BTBD2: variants seen among roughly 807,000 people sequenced by gnomAD.
The protein encoded by BTBD2 is BTB domain containing 2.
In BTBD2, 15 loss-of-function variants were observed where a neutral mutation model predicts 44.0. That is an observed-to-expected ratio of 0.34 (90% CI 0.23 to 0.53). The LOEUF is 0.53. BTBD2 is among the 20% of genes least tolerant of loss of function. BTBD2 has a pLI of 0.95. For missense variants in BTBD2, 657 were observed against 746.4 expected (o/e 0.88, Z 1.39); for synonymous variants, 443 against 335.9 (o/e 1.32, Z -3.49).
chr19:2,012,371 C>T lies in BTBD2; in HGVS notation c.407+2926G>A, dbSNP rs377431644. Among the ~76,000 whole-genome samples, 81 of 151,476 alleles carry T rather than the reference C, an allele frequency of 5.3e-4. 1 individual carries two copies. The highest frequency in any genetic ancestry group is 1.8e-3 in the African/African-American group (73 of 40,994). ...TTCACCGTGTTGACCAGGCTGGTCT[C>T]GATCTCCCGACCTCGTGATCTGCCC... On this transcript the variant is annotated intron_variant, in intron 1 of 8. Transcript: ENST00000255608.
chr19:1,989,928 A>G (rs2016148907), intron 5 of BTBD2, 76 bp downstream of exon 5: 1 of 1,529,438 alleles, frequency 6.5e-7, no homozygotes, highest in East Asian at 2.3e-5. Flanking sequence ...ACTCGGGGGC[A>G]CTATCCTCGG....
chr19:1,991,832 AG>A (rs1163247050), intron 3 of BTBD2: 1 of 151,962 alleles, frequency 6.6e-6, no homozygotes, highest in East Asian at 1.9e-4. Context: ...GGCTGCACAG[AG>A]CCCAACTGGG....
intron 5 of BTBD2, chr19:1,988,004 C>G: frequency 3.0e-6 from 1 of 331,232 alleles, no homozygotes; most frequent in Non-Finnish European, 5.6e-6. Flanking sequence ...CCACCCGTCA[C>G]TTCACTGTGG....
intron 1 of BTBD2, among the ~76,000 whole-genome samples, chr19:2,013,058 C>T (rs1460249540): frequency 2.0e-5 from 3 of 152,174 alleles, no homozygotes; most frequent in Non-Finnish European, 4.4e-5. Flanking sequence ...GCGACACGGA[C>T]GGCACAAGCC....
rs1037337008 is a variant in BTBD2, at chr19:1,997,567, C to A, written c.408-104G>T. ...GTGACCACCCCACTAGGGCTCCCTG[C>A]CAGCCTCCAGCAGGCATGTACCAGG... On this transcript the variant is annotated intron_variant, in intron 1 of 8. Transcript: ENST00000255608. The A allele has an allele frequency of 9.9e-6, 15 of 1,511,552 alleles. No individual in the cohort carries two copies. The African/African-American group carries it at 1.7e-4, about 17-fold the overall frequency. 93.6% of individuals were successfully genotyped at this position (1,511,552 alleles called of 1,614,324 possible).
At chr19:2,015,235 G>T (rs1599364590) in intron 1 of BTBD2, 62 bp downstream of exon 1, 2 of 1,479,432 alleles carry the variant, frequency 1.4e-6, no homozygotes, top group African/African-American at 2.9e-5. Context: ...GGCCTCAGGT[G>T]CAGGGCCCGG....
chr19:1,993,280 T>TG (rs1418528567), intron 2 of BTBD2, 104 bp from the exon 3 acceptor site: 1 of 1,436,624 alleles, frequency 7.0e-7, no homozygotes, highest in African/African-American at 1.4e-5. Context: ...CACCGGCCCT[T>TG]GAGCTGGCAG....
Position 2,015,305 on chromosome 19 carries a change from G to T in BTBD2, c.399C>A (p.Pro133=). The T allele has an allele frequency of 1.3e-6, 2 of 1,560,944 alleles. No individual in the cohort carries two copies. The highest frequency in any genetic ancestry group is 1.8e-5 in the Admixed American group (1 of 55,466). The change falls in exon 1 of 9, where the codon CCC becomes CCA. Residue 133 remains proline (P), a synonymous_variant. Coordinates refer to ENST00000255608, the MANE Select transcript of BTBD2 (RefSeq NM_017797.4). ...VGKGLSSQRI[P]AHRFVLAVGS... ...GGGGTCGGGGCGCCCACCTGTGCGC[G>T]GGGATGCGCTGCGAGCTGAGCCCCT...
At chr19:1,999,667 A>G (rs2016300035) in intron 1 of BTBD2, among the ~76,000 whole-genome samples, 1 of 147,608 alleles carries the variant, frequency 6.8e-6, no homozygotes, top group African/African-American at 2.5e-5. Flanking sequence ...CTCTGTCTCA[A>G]AAAAAAAAAA....
chr19:2,007,646 T>C (rs1466948698), intron 1 of BTBD2, among the ~76,000 whole-genome samples: 2 of 152,106 alleles, frequency 1.3e-5, no homozygotes, highest in African/African-American at 4.8e-5. Context: ...CCGGCCAAAA[T>C]GGCGAAACCC....
Position 1,987,495 on chromosome 19 carries a change from C to T in BTBD2, c.1181+5G>A, listed in dbSNP as rs2016107257. The T allele has an allele frequency of 1.9e-6, 3 of 1,561,926 alleles. No homozygotes were observed. The highest frequency in any genetic ancestry group is 2.6e-6 in the Non-Finnish European group (3 of 1,155,810). Reference sequence around the variant, plus strand: ...GGACCCCCCCGCCTGCACCCCAAGCCCCACCTGATGCGGTCACTGGTCCCG... The same window carrying T: ...GGACCCCCCCGCCTGCACCCCAAGCTCCACCTGATGCGGTCACTGGTCCCG... On this transcript the variant is annotated splice_donor_5th_base_variant and intron_variant, in intron 6 of 8. Transcript: ENST00000255608.
At chr19:1,997,895 CTCAT>C (rs1241072678) in intron 1 of BTBD2, among the ~76,000 whole-genome samples, 4 of 152,124 alleles carry the variant, frequency 2.6e-5, no homozygotes, top group South Asian at 2.1e-4. Context: ...CGTTCATTCA[CTCAT>C]TCATTCACAT....
In BTBD2 at chr19:1,986,503, G is replaced by C; in HGVS notation, c.1563C>G (p.Val521=). Reference sequence around the variant, plus strand: ...GTCGGGCAGCCTAGGTGTAGAAGATGACCTCGGGGATCTGGCCGTCCTCCA... The same window carrying C: ...GTCGGGCAGCCTAGGTGTAGAAGATCACCTCGGGGATCTGGCCGTCCTCCA... The part of the protein sequence containing the change: ...TSVEDGQIPE[V]IFYT Residue 521 remains valine (V), a synonymous_variant, in exon 9 of 9, where the codon GTC becomes GTG. Transcript: ENST00000255608. 6.2e-7 allele frequency: 1 copy of C among 1,613,874 alleles called. No homozygotes were observed. Among genetic ancestry groups the C allele is most frequent in the Non-Finnish European group, 8.5e-7 (1 of 1,179,898 alleles).
chr19:2,007,842 C>T (rs2009336), intron 1 of BTBD2, among the ~76,000 whole-genome samples: 83,176 of 151,678 alleles, frequency 0.55, 25,074 homozygotes, highest in African/African-American at 0.81. Flanking sequence ...AATAATAAAA[C>T]AAAACACAGA....
intron 1 of BTBD2, among the ~76,000 whole-genome samples, chr19:2,006,506 C>CA (rs549277311): frequency 0.4 from 44,767 of 111,136 alleles, 7,834 homozygotes; most frequent in African/African-American, 0.54. Flanking sequence ...GACTCCGTCT[C>CA]AAAAAAAAAA....
At chr19:1,987,775 A>G in intron 5 of BTBD2, 83 bp from the exon 6 acceptor site, 1 of 1,358,006 alleles carries the variant, frequency 7.4e-7, no homozygotes, top group Non-Finnish European at 9.9e-7. Flanking sequence ...CCTTCCCCCT[A>G]AGATGTCTGC....
At chr19:1,990,988 C>T in intron 3 of BTBD2, 166 bp from the exon 4 acceptor site, 1 of 609,850 alleles carries the variant, frequency 1.6e-6, no homozygotes, top group Non-Finnish European at 2.9e-6. Flanking sequence ...TGTTGTGGGC[C>T]CAGAGACTCC....
At chr19:2,006,731 C>T (rs2016399717) in intron 1 of BTBD2, among the ~76,000 whole-genome samples, 1 of 151,946 alleles carries the variant, frequency 6.6e-6, no homozygotes, top group African/African-American at 2.4e-5. Context: ...TCTTGTTGAC[C>T]AGGCTGGCCT....
chr19:2,008,468 T>C (rs1237886067), intron 1 of BTBD2, among the ~76,000 whole-genome samples: 2 of 151,656 alleles, frequency 1.3e-5, no homozygotes, highest in Non-Finnish European at 2.9e-5. Flanking sequence ...TTTTTGTATT[T>C]TTAATACAGA....
Sources: gnomAD v4.1 joint callset for allele counts (sites outside exome capture counted in the v4.1 genomes callset) on GRCh38, gnomAD v4.1.1 for gene constraint, MANE v1.5 for transcripts, NCBI Gene and HGNC (gene_info 2026-07-23, HGNC 2026-07-21) for gene names.